PEAK1: variants seen among roughly 807,000 people sequenced by gnomAD.
PEAK1 encodes inactive tyrosine-protein kinase PEAK1.
Under a neutral mutation model 124.7 loss-of-function variants are expected in PEAK1, and 54 were observed. The ratio of observed to expected loss-of-function variants is 0.43; its 90% CI spans 0.35 to 0.54. The LOEUF is 0.54. Among genes scored for constraint, PEAK1 ranks in the 20% least tolerant of loss-of-function variants. The pLI is 0.01. For synonymous variants in PEAK1, 719 were observed against 760.0 expected (o/e 0.95, Z 0.89); for missense variants, 2,046 against 2,134.5 (o/e 0.96, Z 0.82).
At chr15:77,292,177 A>T (rs2063256030) in intron 2 of PEAK1, among the ~76,000 whole-genome samples, 1 of 152,162 alleles carries the variant, frequency 6.6e-6, no homozygotes, top group African/African-American at 2.4e-5. Context: ...GAGTTAGTGA[A>T]CACTGAACCA....
intron 2 of PEAK1, chr15:77,351,649 C>A (rs2067217643): frequency 1.1e-6 from 1 of 878,290 alleles, no homozygotes; most frequent in South Asian, 5.2e-5. Context: ...TAAATCCCTT[C>A]ATTCCTTCCT....
At chr15:77,375,891 C>A (rs567406198) in intron 1 of PEAK1, among the ~76,000 whole-genome samples, 1 of 151,858 alleles carries the variant, frequency 6.6e-6, no homozygotes, top group African/African-American at 2.4e-5. Flanking sequence ...CCCAGCTACT[C>A]GGGAGGCTGA....
chr15:77,333,108 T>C (rs1377802347), intron 2 of PEAK1: 3 of 982,828 alleles, frequency 3.1e-6, no homozygotes, highest in East Asian at 1.1e-4. Context: ...TTGTTGATGG[T>C]ATTTGATACA....
chr15:77,312,281 T>C (rs2064518114), intron 2 of PEAK1, among the ~76,000 whole-genome samples: 1 of 152,176 alleles, frequency 6.6e-6, no homozygotes, highest in African/African-American at 2.4e-5. Flanking sequence ...CATATTACTA[T>C]ATTCCATTTT....
chr15:77,233,962 C>A (rs567566576), intron 6 of PEAK1, among the ~76,000 whole-genome samples: 2 of 152,206 alleles, frequency 1.3e-5, no homozygotes, highest in Admixed American at 6.5e-5. Context: ...AATTGCTGGG[C>A]TCGAGTGATG....
At chr15:77,246,052 AGG>A (rs2060569687) in intron 6 of PEAK1, among the ~76,000 whole-genome samples, 1 of 151,196 alleles carries the variant, frequency 6.6e-6, no homozygotes, top group East Asian at 1.9e-4. Flanking sequence ...CTCTGTCGCC[AGG>A]CTGGAGTGCA....
At chr15:77,393,986 G>T (rs2070697392) in intron 1 of PEAK1, among the ~76,000 whole-genome samples, 1 of 152,202 alleles carries the variant, frequency 6.6e-6, no homozygotes, top group Admixed American at 6.5e-5. Flanking sequence ...GCAGTAGCCA[G>T]GCAGTACTCA....
chr15:77,232,853 C>G (rs527332586), intron 6 of PEAK1, among the ~76,000 whole-genome samples: 3 of 152,290 alleles, frequency 2.0e-5, no homozygotes, highest in Admixed American at 2.0e-4. Flanking sequence ...TCAAGCGATT[C>G]TCCTGCCTCA....
At chr15:77,313,684 G>GTATATATATATATATATA (rs1567244775) in intron 2 of PEAK1, among the ~76,000 whole-genome samples, 8 of 119,724 alleles carry the variant, frequency 6.7e-5, no homozygotes, top group African/African-American at 2.7e-4. Flanking sequence ...GTGTGTGTGT[G>GTATATATATATATATATA]TGTGTGTGTA....
At chr15:77,118,205 A>G (rs925016564) in intron 9 of PEAK1, among the ~76,000 whole-genome samples, 4 of 152,202 alleles carry the variant, frequency 2.6e-5, no homozygotes, top group Non-Finnish European at 5.9e-5. Context: ...AGTGTAAAAG[A>G]GGAGGGAAAA....
intron 9 of PEAK1, among the ~76,000 whole-genome samples, chr15:77,115,981 G>A (rs776266186): frequency 1.6e-4 from 25 of 152,132 alleles, no homozygotes; most frequent in Non-Finnish European, 3.1e-4. Flanking sequence ...CATTTCAATG[G>A]TGGTTTTCTG....
chr15:77,404,474 T>C (rs770554539), intron 1 of PEAK1: 1 of 473,024 alleles, frequency 2.1e-6, no homozygotes, highest in Non-Finnish European at 2.8e-6. Flanking sequence ...TTGATTATAT[T>C]GATGGCATGT....
chr15:77,236,222 G>T (rs1258890891), intron 6 of PEAK1, among the ~76,000 whole-genome samples: 1 of 152,212 alleles, frequency 6.6e-6, no homozygotes, highest in African/African-American at 2.4e-5. Flanking sequence ...TGTGCGTCTG[G>T]AAGAGCGGCA....
intron 2 of PEAK1, among the ~76,000 whole-genome samples, chr15:77,316,994 T>C (rs1167036280): frequency 6.6e-6 from 1 of 152,076 alleles, no homozygotes; most frequent in African/African-American, 2.4e-5. Context: ...GGCAGGAGAA[T>C]TGCTTGAACC....
At chr15:77,136,940 A>C (rs1192588385) in intron 8 of PEAK1, among the ~76,000 whole-genome samples, 1 of 152,204 alleles carries the variant, frequency 6.6e-6, no homozygotes, top group Non-Finnish European at 1.5e-5. Context: ...GGCCAGGCCC[A>C]GGGTCCCCTT....
chr15:77,252,206 A>T (rs142448109), intron 6 of PEAK1, among the ~76,000 whole-genome samples, 161 bp downstream of exon 6: 2 of 152,376 alleles, frequency 1.3e-5, no homozygotes, highest in African/African-American at 4.8e-5. Context: ...TTTTGAGCAA[A>T]CATTAAGGAC....
At chr15:77,257,520 G>A (rs1187092567) in intron 5 of PEAK1, among the ~76,000 whole-genome samples, 6 of 151,180 alleles carry the variant, frequency 4.0e-5, no homozygotes, top group Admixed American at 1.3e-4. Context: ...CTGCATAAAT[G>A]TCTTCTTTTG....
Position 77,179,700 on chromosome 15 carries a change from C to T in PEAK1, c.2227G>A (p.Ala743Thr). ...GACTCCTGAGTGCCTTCTATTTTGG[C>T]CACAGGCTCTTGAGTGGCTCTCTGG... ...KIQRATQEPV[A>T]KIEGTQESQM... is the part of the protein sequence containing the mutation. The change falls in exon 7 of 10, where the codon GCC becomes ACC. Residue 743 changes from alanine (A) to threonine (T), a missense_variant. Coordinates refer to ENST00000682557, the MANE Select transcript of PEAK1 (RefSeq NM_001385026.1). The T allele has an allele frequency of 1.2e-6, 2 of 1,614,034 alleles. No individual in the cohort carries two copies. Among genetic ancestry groups the T allele is most frequent in the African/African-American group, 1.3e-5 (1 of 75,000 alleles).
intron 8 of PEAK1, chr15:77,156,621 T>C (rs2055181773): frequency 6.6e-6 from 1 of 152,388 alleles, no homozygotes; most frequent in Non-Finnish European, 1.5e-5. Context: ...ACCGGAGCTG[T>C]TCCTATTCGG....
Sources: gnomAD v4.1 joint callset for allele counts (sites outside exome capture counted in the v4.1 genomes callset) on GRCh38, gnomAD v4.1.1 for gene constraint, MANE v1.5 for transcripts, NCBI Gene and HGNC (gene_info 2026-07-23, HGNC 2026-07-21) for gene names.